Variants in CNRIP1 observed in about 807,000 individuals in gnomAD.
The protein encoded by CNRIP1 is cannabinoid receptor interacting protein 1.
A neutral mutation model predicts 15.2 loss-of-function variants in CNRIP1; 10 were observed. The ratio of observed to expected loss-of-function variants is 0.66; its 90% confidence interval spans 0.41 to 1.12. CNRIP1 has a LOEUF of 1.12. CNRIP1 is among the 50% of genes most tolerant of loss of function. The pLI, the probability that CNRIP1 is intolerant of heterozygous loss-of-function variation, is 0.00. For missense variants in CNRIP1, 211 were observed against 214.7 expected, an observed-to-expected ratio of 0.98 and a Z score of 0.11; for synonymous variants, 91 against 83.2, an observed-to-expected ratio of 1.09 and a Z score of -0.51.
At position 68,298,605 on chromosome 2, in the gene CNRIP1, A is replaced by G. The variant is rs888593074; in HGVS notation, c.331-4579T>C. ...AATAGCAACAGTCATAGCTAAAGAT[A>G]TATTTAAGTGTTCATATTAATATTT... On this transcript the variant is annotated intron_variant, in intron 2 of 2. Transcript: ENST00000263655. Among the ~76,000 whole-genome samples, 11 of 152,358 alleles carry G rather than the reference A, an allele frequency of 7.2e-5. No homozygotes were observed. In the East Asian group the frequency reaches 1.9e-3, roughly 27 times the overall value.
intron 2 of CNRIP1, 179 bp downstream of exon 2, chr2:68,316,978 A>G (rs563874994): frequency 6.6e-6 from 5 of 757,606 alleles, no homozygotes; most frequent in Non-Finnish European, 1.2e-5. Flanking sequence ...CTGTCATGCA[A>G]AAGAGCATTA....
Position 68,319,747 on chromosome 2 carries a change from G to C in CNRIP1, c.-347C>G, listed in dbSNP as rs1672432548. 22 of 265,892 alleles carry C rather than the reference G, an allele frequency of 8.3e-5. No homozygotes were observed. The South Asian group carries it at 1.1e-3, about 14-fold the overall frequency. The allele number at this position is 265,892 out of a possible 1,614,324, so 16.5% of individuals were successfully genotyped here. ...CGCGCAGATCCGCGCAGCTGGGGGC[G>C]AGGGAGTTAATCCTGTTTACGCACC... On this transcript the variant is annotated 5_prime_UTR_variant, in exon 1 of 3. Transcript: ENST00000263655.
At chr2:68,286,762 G>T (rs1029318565) in intron 2 of CNRIP1, among the ~76,000 whole-genome samples, 4 of 152,176 alleles carry the variant, frequency 2.6e-5, no homozygotes, top group African/African-American at 9.7e-5. Context: ...CTAGATGAGG[G>T]TAAGCGTGTT....
chr2:68,295,515 CAT>C (rs1274294450), intron 2 of CNRIP1, among the ~76,000 whole-genome samples: 15 of 152,294 alleles, frequency 9.8e-5, no homozygotes, highest in African/African-American at 3.4e-4. Flanking sequence ...TGTTTATTCA[CAT>C]GTTGATAAGC....
At chr2:68,301,545 G>A (rs1671604482) in intron 2 of CNRIP1, among the ~76,000 whole-genome samples, 2 of 152,138 alleles carry the variant, frequency 1.3e-5, no homozygotes, top group African/African-American at 4.8e-5. Flanking sequence ...GGAAGAAAAG[G>A]GCGGTGGGGA....
chr2:68,297,807 C>T (rs1208766879), intron 2 of CNRIP1, among the ~76,000 whole-genome samples: 3 of 151,588 alleles, frequency 2.0e-5, no homozygotes, highest in East Asian at 1.9e-4. Flanking sequence ...TTAGGGTTGT[C>T]GATGATTCAA....
intron 2 of CNRIP1, among the ~76,000 whole-genome samples, chr2:68,296,145 A>C (rs952241773): frequency 6.6e-6 from 1 of 152,254 alleles, no homozygotes; most frequent in African/African-American, 2.4e-5. Flanking sequence ...GCATATCTAT[A>C]TAATGGAATA....
chr2:68,285,693 G>GAAAAGA (rs113559916), intron 2 of CNRIP1, among the ~76,000 whole-genome samples: 1 of 136,272 alleles, frequency 7.3e-6, no homozygotes, highest in Non-Finnish European at 1.6e-5. Flanking sequence ...GAAAAGAAAA[G>GAAAAGA]AAAGAAAGGC....
intron 2 of CNRIP1, among the ~76,000 whole-genome samples, chr2:68,307,457 G>A (rs1195881242): frequency 1.3e-5 from 2 of 152,136 alleles, no homozygotes; most frequent in African/African-American, 4.8e-5. Context: ...GAGTAGCTGA[G>A]ACTACAGGCA....
In CNRIP1 at chr2:68,298,903, G is replaced by A. The variant is rs190357166; in HGVS notation, c.331-4877C>T. 9.9e-5 allele frequency among the ~76,000 whole-genome samples: 15 copies of A among 152,146 alleles called. No homozygotes were observed. In the East Asian group the frequency reaches 1.5e-3, roughly 16 times the overall value. ...TATACAGGCTCTTCACTCCCTCCCC[G>A]CCCATCTGTCCCTTCTAAGGAGAAT... is the stretch of plus-strand genomic sequence containing the variant. On this transcript the variant is annotated intron_variant, in intron 2 of 2. Coordinates refer to ENST00000263655, the MANE Select transcript of CNRIP1 (RefSeq NM_015463.3).
intron 2 of CNRIP1, among the ~76,000 whole-genome samples, chr2:68,307,469 A>C (rs2103667249): frequency 6.6e-6 from 1 of 152,262 alleles, no homozygotes; most frequent in Middle Eastern, 3.4e-3. Context: ...CTACAGGCAT[A>C]TGTCACCACG....
intron 2 of CNRIP1, among the ~76,000 whole-genome samples, chr2:68,297,848 A>G (rs1267660788): frequency 6.6e-6 from 1 of 152,180 alleles, no homozygotes; most frequent in East Asian, 1.9e-4. Flanking sequence ...TTAAAGGAAG[A>G]TGAATTGGAA....
downstream of CNRIP1, among the ~76,000 whole-genome samples, chr2:68,289,734 G>GC (rs1263843448): frequency 6.6e-6 from 1 of 152,164 alleles, no homozygotes; most frequent in Non-Finnish European, 1.5e-5. Context: ...ACCTGCATTG[G>GC]CCCCCCAAAG....
rs1671229295 is a variant in CNRIP1, at chr2:68,293,397, A to G, written c.*465T>C. 3 of 986,438 alleles carry G rather than the reference A, an allele frequency of 3.0e-6. No homozygotes were observed. Among genetic ancestry groups the G allele is most frequent in the East Asian group, 1.1e-4 (1 of 8,872 alleles). 61.1% of individuals were successfully genotyped at this position (986,438 alleles called of 1,614,324 possible). On this transcript the variant is annotated 3_prime_UTR_variant, in exon 3 of 3. Coordinates refer to ENST00000263655, the MANE Select transcript of CNRIP1 (RefSeq NM_015463.3). The stretch of plus-strand genomic sequence containing the variant: ...TACATTTTCACAAAGCCTGCTTTGA[A>G]AGCTGGCAAACACTGCAAGTTACAT...
chr2:68,286,655 C>T (rs946083204), intron 2 of CNRIP1, among the ~76,000 whole-genome samples: 1 of 152,204 alleles, frequency 6.6e-6, no homozygotes, highest in African/African-American at 2.4e-5. Context: ...TTGCCACTAA[C>T]ACCATTGTTA....
downstream of CNRIP1, chr2:68,292,959 G>A: frequency 1.1e-6 from 1 of 917,686 alleles, no homozygotes; most frequent in Non-Finnish European, 1.3e-6. Context: ...CTAGAGCAGG[G>A]ATTCACCTGC....
intron 2 of CNRIP1, among the ~76,000 whole-genome samples, chr2:68,301,149 T>C (rs1558663957): frequency 6.6e-6 from 1 of 152,220 alleles, no homozygotes. Context: ...ATAATTTTTA[T>C]TTGCTTGAAG....
At chr2:68,303,858 C>T (rs1359002840) in intron 2 of CNRIP1, among the ~76,000 whole-genome samples, 1 of 152,192 alleles carries the variant, frequency 6.6e-6, no homozygotes, top group Non-Finnish European at 1.5e-5. Flanking sequence ...AGGCAGACCA[C>T]CTGAGGTCAG....
intron 2 of CNRIP1, chr2:68,284,534 A>G (rs1214974830): frequency 1.6e-6 from 2 of 1,271,746 alleles, no homozygotes; most frequent in East Asian, 2.6e-5. Context: ...ACAGTTGGGT[A>G]GGTGCAGTGA....
Sources: gnomAD v4.1 joint callset for allele counts (sites outside exome capture counted in the v4.1 genomes callset) on GRCh38, gnomAD v4.1.1 for gene constraint, MANE v1.5 for transcripts, NCBI Gene and HGNC (gene_info 2026-07-23, HGNC 2026-07-21) for gene names.